Variants in ANXA4 observed in about 807,000 individuals in gnomAD.
ANXA4 encodes 35-beta calcimedin.
In ANXA4, 39 loss-of-function variants were observed where a neutral mutation model predicts 49.8. The observed-to-expected ratio is 0.78, with a 90% CI of 0.61 to 1.02. The LOEUF (loss-of-function observed/expected upper bound fraction) is 1.02. ANXA4 is among the 50% of genes least tolerant of loss of function. The probability of loss-of-function intolerance (pLI) is 0.00; values close to 1 mark genes in which losing one functional copy is unlikely to be tolerated. For missense variants in ANXA4, 360 were observed against 410.1 expected (o/e 0.88, Z 1.05); for synonymous variants, 134 against 152.5 (o/e 0.88, Z 0.89).
Position 69,812,725 on chromosome 2 carries a change from G to C in ANXA4, c.534+16G>C. On this transcript the variant is annotated intron_variant, in intron 8 of 12. Transcript: ENST00000394295. ...GGATGCCCAGGTTGGTAGAACTGCA[G>C]CTTCTTTCTTCCAGCTTTCTTCTCT... 6.2e-7 allele frequency: 1 copy of C among 1,613,478 alleles called. No individual in the cohort carries two copies. The highest frequency in any genetic ancestry group is 8.5e-7 in the Non-Finnish European group (1 of 1,179,460).
chr2:69,659,604 G>C (rs1445250313), intron 2 of ANXA4, among the ~76,000 whole-genome samples: 1 of 152,150 alleles, frequency 6.6e-6, no homozygotes, highest in Non-Finnish European at 1.5e-5. Context: ...TTTCAGAATA[G>C]TTAAGTAAGA....
At chr2:69,807,838 C>T (rs1316613879) in intron 5 of ANXA4, 68 bp from the exon 6 acceptor site, 2 of 1,262,688 alleles carry the variant, frequency 1.6e-6, no homozygotes, top group East Asian at 2.3e-5. Flanking sequence ...CAGATGTATT[C>T]CTTCTGTGTC....
intron 1 of ANXA4, among the ~76,000 whole-genome samples, chr2:69,647,815 C>T (rs191535122): frequency 8.3e-4 from 127 of 152,254 alleles, no homozygotes; most frequent in Middle Eastern, 3.4e-3. Flanking sequence ...CCTCAGCCTC[C>T]CAAAGTGCTG....
At chr2:69,821,059 T>C (rs1308914090) in intron 12 of ANXA4, among the ~76,000 whole-genome samples, 1 of 152,224 alleles carries the variant, frequency 6.6e-6, no homozygotes, top group East Asian at 1.9e-4. Flanking sequence ...AGACAAAGAT[T>C]ACATTTTAAT....
chr2:69,674,938 T>C (rs1677344258), intron 2 of ANXA4, among the ~76,000 whole-genome samples: 3 of 151,776 alleles, frequency 2.0e-5, no homozygotes, highest in Non-Finnish European at 2.9e-5. Context: ...TTTTCGTTTT[T>C]TTGAGATGGA....
chr2:69,795,995 C>T (rs1672927424), intron 3 of ANXA4, among the ~76,000 whole-genome samples: 1 of 151,992 alleles, frequency 6.6e-6, no homozygotes, highest in African/African-American at 2.4e-5. Flanking sequence ...GGAAGCCCAC[C>T]CTCCTTCCTT....
chr2:69,811,955 A>C (rs764909334), intron 7 of ANXA4, among the ~76,000 whole-genome samples: 1 of 152,128 alleles, frequency 6.6e-6, no homozygotes. Flanking sequence ...TAAAAACTAG[A>C]GGAAAGTAGC....
upstream of ANXA4, chr2:69,643,875 C>A (rs985831022): frequency 6.0e-6 from 7 of 1,176,130 alleles, no homozygotes; most frequent in African/African-American, 1.6e-5. Flanking sequence ...CGTTCTGTCG[C>A]CACGGATGGG....
At chr2:69,806,838 T>C (rs1441821772) in intron 5 of ANXA4, among the ~76,000 whole-genome samples, 2 of 152,024 alleles carry the variant, frequency 1.3e-5, no homozygotes, top group Admixed American at 6.6e-5. Flanking sequence ...CTGGGGCCTG[T>C]TGGAGGATGG....
chr2:69,810,086 C>A (rs956731914), intron 6 of ANXA4: 1 of 154,460 alleles, frequency 6.5e-6, no homozygotes, highest in African/African-American at 2.4e-5. Flanking sequence ...TGGCTGGGTG[C>A]GGTGGCTCAC....
intron 5 of ANXA4, 32 bp downstream of exon 5, chr2:69,806,530 T>G (rs1264755144): frequency 6.4e-7 from 1 of 1,565,214 alleles, no homozygotes; most frequent in Non-Finnish European, 8.8e-7. Context: ...CTCTTGGTGC[T>G]GTTGGTGCAA....
In ANXA4 at chr2:69,732,766, GA is replaced by G. The variant is rs1039639757; in HGVS notation, n.864+11905del. Reference sequence around the variant, plus strand: ...AGAGCAAAACTCTGTCTCAAAAAAAGAAAAAAAAAAGATTACTACAGTGCCA... The same window carrying G: ...AGAGCAAAACTCTGTCTCAAAAAAAGAAAAAAAAAGATTACTACAGTGCCA... On this transcript the variant is annotated intron_variant and non_coding_transcript_variant, in intron 3 of 3. Coordinates refer to the ANXA4 transcript ENST00000418066. Among the ~76,000 whole-genome samples, 10 of 147,454 alleles carry G rather than the reference GA, an allele frequency of 6.8e-5. No individual in the cohort carries two copies. In the East Asian group the frequency reaches 1.2e-3, roughly 17 times the overall value.
At chr2:69,678,007 C>G (rs1360605920) in intron 2 of ANXA4, among the ~76,000 whole-genome samples, 1 of 152,202 alleles carries the variant, frequency 6.6e-6, no homozygotes, top group East Asian at 1.9e-4. Flanking sequence ...GCAAACACAA[C>G]TTTTCCCCCT....
chr2:69,770,814 G>A (rs1263967083), intron 1 of ANXA4, among the ~76,000 whole-genome samples: 2 of 152,026 alleles, frequency 1.3e-5, no homozygotes. Flanking sequence ...ACAGTGCCAG[G>A]CATGGTGGTT....
intron 2 of ANXA4, among the ~76,000 whole-genome samples, chr2:69,691,598 C>G (rs1254385985): frequency 6.4e-5 from 9 of 141,242 alleles, no homozygotes; most frequent in African/African-American, 1.8e-4. Context: ...CACACACACA[C>G]AGACGCATGC....
At position 69,825,626 on chromosome 2, in the gene ANXA4, G is replaced by A. The variant is rs1460488601; in HGVS notation, c.*111G>A. 1.1e-5 allele frequency: 8 copies of A among 703,798 alleles called. No individual in the cohort carries two copies. The highest frequency in any genetic ancestry group is 3.1e-5 in the Admixed American group (1 of 32,262). 43.6% of individuals were successfully genotyped at this position (703,798 alleles called of 1,614,324 possible). A position where few individuals can be genotyped will look rare whatever the true frequency, so the allele number is the denominator to read the frequency against. On this transcript the variant is annotated 3_prime_UTR_variant, in exon 13 of 13. Transcript: ENST00000394295. Reference sequence around the variant, plus strand: ...CAGAATGCTTATTTCCAATTAAAACGCCTACAGCTGCCTCCTAGAATATAG... The same window carrying A: ...CAGAATGCTTATTTCCAATTAAAACACCTACAGCTGCCTCCTAGAATATAG...
intron 1 of ANXA4, among the ~76,000 whole-genome samples, chr2:69,776,251 C>G (rs577930077): frequency 6.6e-6 from 1 of 152,262 alleles, no homozygotes; most frequent in African/African-American, 2.4e-5. Flanking sequence ...GCTGGAATTA[C>G]AGGCGTGAGC....
chr2:69,810,921 A>G (rs1026638489), intron 7 of ANXA4: 1 of 500,522 alleles, frequency 2.0e-6, no homozygotes, highest in Admixed American at 3.2e-5. Flanking sequence ...CACTCAGTGC[A>G]TTGAGAGTTA....
chr2:69,788,436 A>G (rs1387396711), intron 3 of ANXA4, among the ~76,000 whole-genome samples: 2 of 152,222 alleles, frequency 1.3e-5, no homozygotes, highest in Non-Finnish European at 2.9e-5. Context: ...GCTACTTGGG[A>G]GGCTGAGGCA....
Sources: allele counts gnomAD v4.1 joint callset (sites outside exome capture counted in the v4.1 genomes callset), GRCh38; gene constraint gnomAD v4.1.1; transcripts MANE v1.5; gene names NCBI Gene and HGNC (gene_info 2026-07-23, HGNC 2026-07-21).